Variants in BRCA1 observed in about 807,000 individuals in gnomAD.
BRCA1 encodes the protein BRCA1 DNA repair associated, also known as breast cancer type 1 susceptibility protein.
In BRCA1, 140 loss-of-function variants were observed where a neutral mutation model predicts 173.7. The observed-to-expected ratio is 0.81, with a 90% CI of 0.70 to 0.93. The LOEUF (loss-of-function observed/expected upper bound fraction) is 0.93. Ranked by LOEUF, BRCA1 falls within the 40% of genes least tolerant of loss-of-function variation. BRCA1 has a pLI of 0.00. For synonymous variants in BRCA1, 662 were observed against 756.0 expected (o/e 0.88, Z 2.04); for missense variants, 1,983 against 2,172.5 (o/e 0.91, Z 1.73).
chr17:43,119,065 T>C (rs2055427164), intron 2 of BRCA1: 1 of 216,282 alleles, frequency 4.6e-6, no homozygotes, highest in African/African-American at 2.3e-5. Flanking sequence ...TAAATGTGAA[T>C]TTTTGAAACG....
At chr17:43,054,898 T>A (rs1179552020) in intron 19 of BRCA1, among the ~76,000 whole-genome samples, 3 of 151,966 alleles carry the variant, frequency 2.0e-5, no homozygotes, top group Non-Finnish European at 4.4e-5. Context: ...TACAGGTGCC[T>A]ACCACCACGC....
rs751542189 is a variant in BRCA1 at position 43,087,226 on chromosome 17, G to A, written c.4185+3718C>T. Among the ~76,000 whole-genome samples, 9 of 152,200 alleles carry A rather than the reference G, an allele frequency of 5.9e-5. No individual in the cohort carries two copies. In the South Asian group the frequency reaches 8.3e-4, roughly 14 times the overall value. ...ATGTAGGCAAATATTTAGCTATCAGGATGCCACTATAGTGATGTACATAAT... is the reference window on the plus strand; with the variant it reads ...ATGTAGGCAAATATTTAGCTATCAGAATGCCACTATAGTGATGTACATAAT... On this transcript the variant is annotated intron_variant, in intron 11 of 22. Coordinates refer to ENST00000357654, the MANE Select transcript of BRCA1 (RefSeq NM_007294.4).
intron 1 of BRCA1, among the ~76,000 whole-genome samples, chr17:43,133,927 G>A (rs1432170366): frequency 6.6e-6 from 1 of 152,096 alleles, no homozygotes. Context: ...GAGCCACCAC[G>A]CCCAGCCTCC....
intron 1 of BRCA1, among the ~76,000 whole-genome samples, chr17:43,156,274 G>A (rs183681918): frequency 3.7e-4 from 57 of 152,066 alleles, no homozygotes; most frequent in African/African-American, 1.3e-3. Flanking sequence ...AGAAAAGCTC[G>A]GGGACAGTAA....
intron 6 of BRCA1, among the ~76,000 whole-genome samples, chr17:43,101,496 G>T (rs1433015401): frequency 6.6e-6 from 1 of 150,942 alleles, no homozygotes; most frequent in South Asian, 2.1e-4. Flanking sequence ...CGCCCAGCTA[G>T]AACAATTACT....
At chr17:43,073,007 G>A (rs565564553) in intron 14 of BRCA1, among the ~76,000 whole-genome samples, 65 of 151,938 alleles carry the variant, frequency 4.3e-4, no homozygotes, top group African/African-American at 1.5e-3. Flanking sequence ...ATGAGCAGTG[G>A]CTGTAATCTG....
Position 43,051,050 on chromosome 17 carries a change from C to A in BRCA1, c.5332+13G>T, listed in dbSNP as rs372391060. ...GCTGGTGCTGGAACTCTGGGGTTCT[C>A]CCAGGCTCTTACCTGTGGGCATGTT... On this transcript the variant is annotated intron_variant, in intron 20 of 22. Coordinates refer to ENST00000357654, the MANE Select transcript of BRCA1 (RefSeq NM_007294.4). The A allele has an allele frequency of 1.4e-4, 219 of 1,613,050 alleles. No individual in the cohort carries two copies. The highest frequency in any genetic ancestry group is 1.8e-4 in the Non-Finnish European group (210 of 1,179,194).
At chr17:43,137,433 T>TAA (rs112877653) in intron 1 of BRCA1, among the ~76,000 whole-genome samples, 1,561 of 140,956 alleles carry the variant, frequency 0.011, 37 homozygotes, top group African/African-American at 0.038. Flanking sequence ...TAATAATAAT[T>TAA]AAAAAAAAAA....
rs2056286659 is a variant in BRCA1, at chr17:43,168,670, T to G, written c.-20+1456A>C. Among the ~76,000 whole-genome samples, 3 of 152,182 alleles carry G rather than the reference T, an allele frequency of 2.0e-5. No individual in the cohort carries two copies. In the South Asian group the frequency reaches 6.2e-4, roughly 32 times the overall value. ...TAAATAAAATAAAATAAGGTAAATTTAAGATTTGGAAGGTTTTAGAATAAT... is the reference window on the plus strand; with the variant it reads ...TAAATAAAATAAAATAAGGTAAATTGAAGATTTGGAAGGTTTTAGAATAAT... On this transcript the variant is annotated intron_variant, in intron 1 of 7. Coordinates refer to the BRCA1 transcript ENST00000634433.
At chr17:43,149,111 C>T (rs2056142963) in intron 1 of BRCA1, among the ~76,000 whole-genome samples, 1 of 151,048 alleles carries the variant, frequency 6.6e-6, no homozygotes, top group African/African-American at 2.4e-5. Context: ...ACTTTTTTTC[C>T]CCCCCGAGAC....
chr17:43,167,307 G>C (rs2056274441), intron 1 of BRCA1: 1 of 152,342 alleles, frequency 6.6e-6, no homozygotes, highest in East Asian at 1.9e-4. Context: ...TATTAGGCCA[G>C]GGGCATCGGC....
chr17:43,129,959 C>T (rs1426332267), upstream of BRCA1, among the ~76,000 whole-genome samples: 4 of 152,174 alleles, frequency 2.6e-5, 1 homozygote, highest in Middle Eastern at 6.8e-3. Context: ...AGCAGGACTG[C>T]GTTTTGGTGG....
intron 18 of BRCA1, among the ~76,000 whole-genome samples, chr17:43,057,711 C>T (rs1313409668): frequency 6.6e-6 from 1 of 151,436 alleles, no homozygotes; most frequent in Non-Finnish European, 1.5e-5. Flanking sequence ...TGGCAGGCGC[C>T]TGTAGTCCCA....
At chr17:43,126,938 C>T (rs560592336), upstream of BRCA1, among the ~76,000 whole-genome samples, 4 of 152,274 alleles carry the variant, frequency 2.6e-5, no homozygotes, top group South Asian at 2.1e-4. Context: ...CCCCCGGCCC[C>T]GGGCAGTCAG....
intron 1 of BRCA1, among the ~76,000 whole-genome samples, chr17:43,142,816 T>G (rs1242625786): frequency 6.6e-6 from 1 of 152,060 alleles, no homozygotes; most frequent in Non-Finnish European, 1.5e-5. Context: ...TGATCTTGGC[T>G]CACCACAACC....
In BRCA1 at chr17:43,052,839, G is replaced by A. The variant is rs17671533; in HGVS notation, c.5278-1722C>T. Among the ~76,000 whole-genome samples the A allele has an allele frequency of 0.15, 21,106 of 142,862 alleles. 2,226 individuals are homozygous for A. Among genetic ancestry groups the A allele is most frequent in the Admixed American group, 0.24 (3,388 of 14,408 alleles). The allele number at this position is 142,862 out of a possible 152,430, so 93.7% of individuals were successfully genotyped here. A position where few individuals can be genotyped will look rare whatever the true frequency, so the allele number is the denominator to read the frequency against. ...CACACACACACTCTCTTACTTTACC[G>A]CCAGAGTGAAAAGAAATGGCAGTAG... On this transcript the variant is annotated intron_variant, in intron 19 of 22. Coordinates refer to ENST00000357654, the MANE Select transcript of BRCA1 (RefSeq NM_007294.4).
intron 21 of BRCA1, 51 bp from the exon 22 acceptor site, chr17:43,047,754 G>A (rs2152819983): frequency 6.3e-7 from 1 of 1,587,980 alleles, no homozygotes. Flanking sequence ...TAGGACTACT[G>A]GAACTGTCAC....
chr17:43,067,605 T>C lies in BRCA1; in HGVS notation c.5074+3A>G, dbSNP rs80358181. Reference sequence around the variant, plus strand: ...AGGTATTCTGTAAAGGTTCTTGGTATACCTGTTTTCATAACAACATGAGTA... The same window carrying C: ...AGGTATTCTGTAAAGGTTCTTGGTACACCTGTTTTCATAACAACATGAGTA... On this transcript the variant is annotated splice_donor_region_variant and intron_variant, in intron 16 of 22. Coordinates refer to ENST00000357654, the MANE Select transcript of BRCA1 (RefSeq NM_007294.4). 2 of 1,603,438 alleles carry C rather than the reference T, an allele frequency of 1.2e-6. No homozygotes were observed. Among genetic ancestry groups the C allele is most frequent in the Non-Finnish European group, 1.7e-6 (2 of 1,170,310 alleles).
At chr17:43,085,757 G>C (rs2154192285) in intron 11 of BRCA1, among the ~76,000 whole-genome samples, 1 of 152,224 alleles carries the variant, frequency 6.6e-6, no homozygotes, top group African/African-American at 2.4e-5. Context: ...TAAGACTCCT[G>C]AAATGTGCAG....
Sources: gnomAD v4.1 joint callset for allele counts (sites outside exome capture counted in the v4.1 genomes callset) on GRCh38, gnomAD v4.1.1 for gene constraint, MANE v1.5 for transcripts, NCBI Gene and HGNC (gene_info 2026-07-23, HGNC 2026-07-21) for gene names.